Variants in INPP5F observed in about 807,000 individuals in gnomAD.
INPP5F encodes the protein phosphatidylinositide 4-phosphatase SAC2.
INPP5F carries 97 observed loss-of-function variants against 137.2 expected under a neutral mutation model. The ratio of observed to expected loss-of-function variants is 0.71; its 90% CI spans 0.60 to 0.84. The LOEUF (loss-of-function observed/expected upper bound fraction) is 0.84, where lower values mean the gene tolerates loss of function less well. Ranked by LOEUF, INPP5F falls within the 40% of genes least tolerant of loss-of-function variation. INPP5F has a pLI of 0.00. For synonymous variants in INPP5F, 504 were observed against 476.9 expected (o/e 1.06, Z -0.74); for missense variants, 1,271 against 1,371.9 (o/e 0.93, Z 1.16).
At chr10:119,794,818 C>T (rs1267004198) in intron 6 of INPP5F, among the ~76,000 whole-genome samples, 7 of 93,612 alleles carry the variant, frequency 7.5e-5, no homozygotes, top group Non-Finnish European at 1.8e-4. Context: ...CTCCCTCCCT[C>T]CCAGAAGGGG....
At chr10:119,791,426 A>C in intron 3 of INPP5F, 91 bp from the exon 4 acceptor site, 1 of 963,882 alleles carries the variant, frequency 1.0e-6, no homozygotes, top group East Asian at 2.4e-5. Context: ...ACTGTTAATC[A>C]GAATGCCTGA....
At chr10:119,757,167 T>C (rs1159054478) in intron 2 of INPP5F, among the ~76,000 whole-genome samples, 1 of 152,042 alleles carries the variant, frequency 6.6e-6, no homozygotes. Flanking sequence ...CTCAGCCTCC[T>C]GGGTTCAAGC....
chr10:119,827,271 G>A lies in INPP5F; in HGVS notation c.2890G>A (p.Val964Met). 6.2e-7 allele frequency: 1 copy of A among 1,614,088 alleles called. No homozygotes were observed. The highest frequency in any genetic ancestry group is 8.5e-7 in the Non-Finnish European group (1 of 1,180,038). Reference protein sequence around the residue: ...KPMDIYCHRFVQDAQNKVTHL... With the variant: ...KPMDIYCHRFMQDAQNKVTHL... ...TATGGATATTTACTGCCACAGATTT[G>A]TGCAAGATGCACAGAACAAAGTGAC... The change falls in exon 20 of 20, where the codon GTG becomes ATG. Residue 964 changes from valine to methionine, a missense_variant. By Grantham distance (21) the Val-to-Met change is conservative. Around this residue, in one of 6 missense-constraint regions of INPP5F, gnomAD observed 490 missense variants for 443.7 expected, o/e 1.10. Transcript: ENST00000650623.
rs1175088011 is a variant in INPP5F at position 119,751,070 on chromosome 10, T to C, written c.98-6T>C. On this transcript the variant is annotated splice_polypyrimidine_tract_variant and splice_region_variant and intron_variant, in intron 1 of 19. Coordinates refer to ENST00000650623, the MANE Select transcript of INPP5F (RefSeq NM_014937.4). ...TTTCTCATCACTGCTTCCTATTTTA[T>C]TTTAGCTACTGATCTACTTCTTGCC... 1.3e-6 allele frequency: 2 copies of C among 1,577,058 alleles called. No individual in the cohort carries two copies. Among genetic ancestry groups the C allele is most frequent in the East Asian group, 4.5e-5 (2 of 44,722 alleles).
chr10:119,824,816 G>T (rs1416463855), intron 19 of INPP5F, among the ~76,000 whole-genome samples: 2 of 152,024 alleles, frequency 1.3e-5, no homozygotes, highest in Non-Finnish European at 2.9e-5. Flanking sequence ...CTTCTGTAAA[G>T]CCACTGCACC....
chr10:119,776,712 G>C (rs544702949), intron 2 of INPP5F, among the ~76,000 whole-genome samples: 1 of 151,862 alleles, frequency 6.6e-6, no homozygotes, highest in Non-Finnish European at 1.5e-5. Flanking sequence ...GACCCACAGA[G>C]AGAGAGAGAA....
At chr10:119,773,093 G>A (rs1026193301) in intron 2 of INPP5F, among the ~76,000 whole-genome samples, 1 of 151,808 alleles carries the variant, frequency 6.6e-6, no homozygotes, top group African/African-American at 2.4e-5. Context: ...GTCTTACTCT[G>A]TTGCCCAGGA....
At chr10:119,745,688 C>G (rs1430483053) in intron 1 of INPP5F, among the ~76,000 whole-genome samples, 1 of 147,002 alleles carries the variant, frequency 6.8e-6, no homozygotes, top group Non-Finnish European at 1.5e-5. Flanking sequence ...CCAGGAAGCT[C>G]AGGCTCATTC....
intron 1 of INPP5F, among the ~76,000 whole-genome samples, chr10:119,730,067 C>G (rs140100610): frequency 6.6e-6 from 1 of 151,638 alleles, no homozygotes; most frequent in South Asian, 2.1e-4. Flanking sequence ...TGCTTAGATG[C>G]TTATGTCTGT....
rs1422854419 is a variant in INPP5F, at chr10:119,819,406, A to T, written c.1887-1440A>T. ...TTTGACTGGGGATCATGTTTGGCTG[A>T]TGTAAATATTAATGCCAAAATAGGA... On this transcript the variant is annotated intron_variant, in intron 15 of 19. Transcript: ENST00000650623. The T allele has an allele frequency of 5.5e-6, 8 of 1,456,680 alleles. No individual in the cohort carries two copies. The Admixed American group carries it at 1.9e-4, about 35-fold the overall frequency. The allele number at this position is 1,456,680 out of a possible 1,614,324, so 90.2% of individuals were successfully genotyped here. A position where few individuals can be genotyped will look rare whatever the true frequency, so the allele number is the denominator to read the frequency against.
chr10:119,818,701 C>G (rs1314655251), intron 15 of INPP5F: 1 of 152,344 alleles, frequency 6.6e-6, no homozygotes, highest in East Asian at 1.9e-4. Flanking sequence ...TTGGCACTGC[C>G]GCGTCGCAGT....
chr10:119,807,699 A>G (rs1850850790), intron 12 of INPP5F, among the ~76,000 whole-genome samples: 2 of 152,216 alleles, frequency 1.3e-5, no homozygotes, highest in Non-Finnish European at 2.9e-5. Flanking sequence ...GATCCTGCAC[A>G]TTAAAAATTG....
At chr10:119,771,392 C>CT (rs891704944) in intron 2 of INPP5F, among the ~76,000 whole-genome samples, 160 of 148,020 alleles carry the variant, frequency 1.1e-3, no homozygotes, top group African/African-American at 3.6e-3. Flanking sequence ...GCAGAAGGAG[C>CT]TTTTTTTTTT....
chr10:119,752,822 T>G (rs921657432), intron 2 of INPP5F, among the ~76,000 whole-genome samples: 4 of 152,092 alleles, frequency 2.6e-5, no homozygotes, highest in African/African-American at 9.7e-5. Flanking sequence ...CTTTCACTTA[T>G]TTTTATTTAT....
intron 9 of INPP5F, chr10:119,799,297 A>T (rs748507243): frequency 4.6e-6 from 2 of 438,596 alleles, no homozygotes; most frequent in Non-Finnish European, 9.1e-6. Flanking sequence ...AGGTAAATGC[A>T]TTTTTTTTTC....
intron 6 of INPP5F, chr10:119,793,526 A>G (rs1850220984): frequency 6.6e-6 from 1 of 151,626 alleles, no homozygotes; most frequent in African/African-American, 2.4e-5. Flanking sequence ...ACTTACGGAG[A>G]TAAGAGAGAA....
chr10:119,769,226 G>A (rs544067634), intron 2 of INPP5F, among the ~76,000 whole-genome samples: 1 of 152,306 alleles, frequency 6.6e-6, no homozygotes, highest in Non-Finnish European at 1.5e-5. Flanking sequence ...GCCATGTCTA[G>A]AAATACGTAG....
At position 119,823,057 on chromosome 10, in the gene INPP5F, A is replaced by T. The variant is rs1851624031; in HGVS notation, c.2033-14A>T. ...GAAACATTTAACTTTATACGTATTCATTTGGGATTTTAGGCCCTGAACCCA... is the reference window on the plus strand; with the variant it reads ...GAAACATTTAACTTTATACGTATTCTTTTGGGATTTTAGGCCCTGAACCCA... On this transcript the variant is annotated splice_polypyrimidine_tract_variant and intron_variant, in intron 17 of 19. Coordinates refer to ENST00000650623, the MANE Select transcript of INPP5F (RefSeq NM_014937.4). The T allele has an allele frequency of 6.2e-7, 1 of 1,604,564 alleles. No individual in the cohort carries two copies. The highest frequency in any genetic ancestry group is 8.5e-7 in the Non-Finnish European group (1 of 1,176,738).
intron 15 of INPP5F, chr10:119,819,562 TA>T (rs778794324): frequency 6.3e-7 from 1 of 1,581,444 alleles, no homozygotes; most frequent in Non-Finnish European, 8.6e-7. Context: ...GCGTAAAACT[TA>T]ACATTTTACA....
Sources: gnomAD v4.1 joint callset for allele counts (sites outside exome capture counted in the v4.1 genomes callset) on GRCh38, gnomAD v4.1.1 for gene constraint, gnomAD v4.1.1 regional missense constraint, MANE v1.5 for transcripts, NCBI Gene and HGNC (gene_info 2026-07-23, HGNC 2026-07-21) for gene names.